USP32: variants seen among roughly 807,000 people sequenced by gnomAD.
The protein encoded by USP32 is ubiquitin carboxyl-terminal hydrolase 32.
A neutral mutation model predicts 204.8 loss-of-function variants in USP32; 59 were observed. The observed-to-expected ratio is 0.29, with a 90% CI of 0.23 to 0.36. USP32 has a LOEUF of 0.36. Among genes scored for constraint, USP32 ranks in the 10% least tolerant of loss-of-function variants. The pLI is 1.00. For synonymous variants in USP32, 517 were observed against 678.4 expected, an observed-to-expected ratio of 0.76 and a Z score of 3.70; for missense variants, 1,160 against 1,946.4, an observed-to-expected ratio of 0.60 and a Z score of 7.60.
intron 3 of USP32, among the ~76,000 whole-genome samples, chr17:60,297,794 C>A (rs941132042): frequency 6.6e-6 from 1 of 152,102 alleles, no homozygotes; most frequent in Non-Finnish European, 1.5e-5. Context: ...TTTTCTCTAG[C>A]AGTTATTGAA....
At chr17:60,291,494 G>C (rs192130140) in intron 4 of USP32, among the ~76,000 whole-genome samples, 174 of 151,462 alleles carry the variant, frequency 1.1e-3, no homozygotes, top group African/African-American at 3.9e-3. Context: ...CTAAGCACTA[G>C]GTCCTTATAT....
At position 60,237,120 on chromosome 17, in the gene USP32, A is replaced by AC. The variant is rs1308317342; in HGVS notation, c.1137-881_1137-880insG. ...ATAAAAAAAAAAATCTACTCTATCT[A>AC]TCTATCTATCTATCTATCTATCTAT... On this transcript the variant is annotated intron_variant, in intron 11 of 33. Coordinates refer to ENST00000300896, the MANE Select transcript of USP32 (RefSeq NM_032582.4). Among the ~76,000 whole-genome samples the AC allele has an allele frequency of 7.6e-4, 77 of 101,214 alleles. No individual in the cohort carries two copies. The South Asian group carries it at 0.02, about 27-fold the overall frequency. The allele number at this position is 101,214 out of a possible 152,430, so 66.4% of individuals were successfully genotyped here. A position where few individuals can be genotyped will look rare whatever the true frequency, so the allele number is the denominator to read the frequency against.
rs1181704277 is a variant in USP32 at position 60,211,530 on chromosome 17, T to G, written c.2180-16A>C. The G allele has an allele frequency of 6.2e-7, 1 of 1,604,076 alleles. No homozygotes were observed. The highest frequency in any genetic ancestry group is 8.5e-7 in the Non-Finnish European group (1 of 1,176,702). ...TCTGTGGGAACTGGAACAAACAATA[T>G]GAGAACCAAAGCTTAGCTGTAGTAA... On this transcript the variant is annotated splice_polypyrimidine_tract_variant and intron_variant, in intron 19 of 33. Coordinates refer to ENST00000300896, the MANE Select transcript of USP32 (RefSeq NM_032582.4).
chr17:60,270,493 T>C (rs2086697620), intron 6 of USP32, among the ~76,000 whole-genome samples: 1 of 152,170 alleles, frequency 6.6e-6, no homozygotes, highest in African/African-American at 2.4e-5. Flanking sequence ...ATTTTTATGA[T>C]GTGCTCACAA....
intron 1 of USP32, among the ~76,000 whole-genome samples, chr17:60,388,321 CACAT>C (rs1415531150): frequency 6.6e-6 from 1 of 151,122 alleles, no homozygotes; most frequent in Admixed American, 6.7e-5. Context: ...CACACACACA[CACAT>C]CGCCTTATAA....
chr17:60,317,337 G>T (rs2088005161), intron 2 of USP32, among the ~76,000 whole-genome samples: 1 of 151,518 alleles, frequency 6.6e-6, no homozygotes, highest in Non-Finnish European at 1.5e-5. Flanking sequence ...AACATAGTGA[G>T]ACCTCATCTC....
intron 26 of USP32, among the ~76,000 whole-genome samples, chr17:60,203,474 A>T (rs1243381283): frequency 6.6e-6 from 1 of 151,890 alleles, no homozygotes; most frequent in Non-Finnish European, 1.5e-5. Flanking sequence ...TTGTTATAAC[A>T]GTCCTAAGAA....
intron 9 of USP32, among the ~76,000 whole-genome samples, chr17:60,255,499 T>C (rs935466015): frequency 6.6e-6 from 1 of 152,024 alleles, no homozygotes; most frequent in African/African-American, 2.4e-5. Context: ...GGGGTTTCAC[T>C]ATGTTGGCCA....
At chr17:60,311,237 C>T (rs1038156450) in intron 2 of USP32, among the ~76,000 whole-genome samples, 1 of 152,052 alleles carries the variant, frequency 6.6e-6, no homozygotes, top group African/African-American at 2.4e-5. Context: ...TTAGTGATCA[C>T]ATGTACCCCC....
At chr17:60,269,017 G>C (rs532869680) in intron 7 of USP32, among the ~76,000 whole-genome samples, 1 of 152,098 alleles carries the variant, frequency 6.6e-6, no homozygotes. Flanking sequence ...GATCATTTTA[G>C]TATTTGACAA....
At chr17:60,227,557 A>C (rs2085428296) in intron 12 of USP32, among the ~76,000 whole-genome samples, 2 of 149,914 alleles carry the variant, frequency 1.3e-5, no homozygotes, top group African/African-American at 4.9e-5. Flanking sequence ...GGCGTGAGCC[A>C]CCATGCCCAT....
chr17:60,377,368 CAGA>C (rs963037602), intron 1 of USP32, among the ~76,000 whole-genome samples: 61 of 152,226 alleles, frequency 4.0e-4, no homozygotes, highest in African/African-American at 1.3e-3. Context: ...CCTACAAAAG[CAGA>C]AGATTTTAAA....
intron 2 of USP32, among the ~76,000 whole-genome samples, chr17:60,322,289 G>A (rs1048846716): frequency 6.6e-6 from 1 of 151,990 alleles, no homozygotes; most frequent in African/African-American, 2.4e-5. Flanking sequence ...GGGACTACAC[G>A]AACATACCAC....
At chr17:60,360,274 C>T (rs1342192802) in intron 1 of USP32, among the ~76,000 whole-genome samples, 1 of 152,084 alleles carries the variant, frequency 6.6e-6, no homozygotes, top group Admixed American at 6.5e-5. Flanking sequence ...AGGAGTTTGA[C>T]ACCAGCCTGG....
chr17:60,396,482 T>TC (rs1285487481), upstream of USP32, among the ~76,000 whole-genome samples: 1 of 152,176 alleles, frequency 6.6e-6, no homozygotes, highest in African/African-American at 2.4e-5. Flanking sequence ...TAAAAATACG[T>TC]CATTCTCTAA....
intron 2 of USP32, among the ~76,000 whole-genome samples, chr17:60,338,645 G>A (rs1430251335): frequency 6.6e-6 from 1 of 152,014 alleles, no homozygotes; most frequent in Admixed American, 6.6e-5. Context: ...TGAGAGGATT[G>A]CTTGACTTCA....
chr17:60,296,909 C>T (rs550282730), intron 3 of USP32, among the ~76,000 whole-genome samples: 2 of 152,252 alleles, frequency 1.3e-5, no homozygotes, highest in African/African-American at 4.8e-5. Context: ...AAAACAGATA[C>T]TGGTCATGAG....
At chr17:60,336,028 C>A (rs778098378) in intron 2 of USP32, among the ~76,000 whole-genome samples, 1 of 142,662 alleles carries the variant, frequency 7.0e-6, no homozygotes, top group Non-Finnish European at 1.5e-5. Flanking sequence ...GTCAGTAGCT[C>A]GGTTAATACA....
chr17:60,229,332 C>A (rs2085482608), intron 12 of USP32, among the ~76,000 whole-genome samples: 2 of 152,054 alleles, frequency 1.3e-5, no homozygotes, highest in African/African-American at 4.8e-5. Flanking sequence ...CATGAGTCAC[C>A]CGGCCAAAGG....
Sources: allele counts gnomAD v4.1 joint callset (sites outside exome capture counted in the v4.1 genomes callset), GRCh38; gene constraint gnomAD v4.1.1; transcripts MANE v1.5; gene names NCBI Gene and HGNC (gene_info 2026-07-23, HGNC 2026-07-21).